CNTLN: variants seen among roughly 807,000 people sequenced by gnomAD.
The protein encoded by CNTLN is centlein, centrosomal protein.
Under a neutral mutation model 180.0 loss-of-function variants are expected in CNTLN, and 212 were observed. The ratio of observed to expected loss-of-function variants is 1.18; its 90% CI spans 1.05 to 1.32. CNTLN has a LOEUF of 1.32. CNTLN is among the 40% of genes most tolerant of loss of function. CNTLN has a pLI of 0.00. For synonymous variants in CNTLN, 722 were observed against 563.1 expected (o/e 1.28, Z -3.99); for missense variants, 2,095 against 1,610.9 (o/e 1.30, Z -5.14).
At chr9:17,242,500 AG>A (rs1180057038) in intron 5 of CNTLN, among the ~76,000 whole-genome samples, 1 of 151,996 alleles carries the variant, frequency 6.6e-6, no homozygotes, top group African/African-American at 2.4e-5. Flanking sequence ...TAGTAGAGAC[AG>A]GGTTTTGCCA....
chr9:17,234,712 T>C (rs900008953), intron 3 of CNTLN, among the ~76,000 whole-genome samples: 1 of 152,002 alleles, frequency 6.6e-6, no homozygotes, highest in African/African-American at 2.4e-5. Context: ...GATGTGTCTC[T>C]TTCTTGGTTG....
intron 25 of CNTLN, among the ~76,000 whole-genome samples, chr9:17,489,444 T>C (rs1833039202): frequency 6.6e-6 from 1 of 152,126 alleles, no homozygotes; most frequent in Non-Finnish European, 1.5e-5. Context: ...GGAAAACCTC[T>C]CTTTTATGTC....
Position 17,144,858 on chromosome 9 carries a change from G to A in CNTLN, c.449+1482G>A, listed in dbSNP as rs536912716. Among the ~76,000 whole-genome samples, 611 of 147,734 alleles carry A rather than the reference G, an allele frequency of 4.1e-3. 4 individuals carry two copies. The highest frequency in any genetic ancestry group is 0.014 in the African/African-American group (560 of 40,204). ...TTTATTTTATTTTTTTTTTTGAGAC[G>A]GAGTCTCGCTCTGTCGCCCAGGCCA... On this transcript the variant is annotated intron_variant, in intron 2 of 25. Transcript: ENST00000380647.
intron 18 of CNTLN, among the ~76,000 whole-genome samples, chr9:17,449,903 A>G (rs1396033628): frequency 6.6e-6 from 1 of 152,250 alleles, no homozygotes; most frequent in Non-Finnish European, 1.5e-5. Context: ...GTCTTTCAGA[A>G]TTAAAAGTAT....
intron 18 of CNTLN, among the ~76,000 whole-genome samples, chr9:17,454,687 C>T (rs753393): frequency 0.41 from 61,649 of 152,114 alleles, 15,540 homozygotes; most frequent in Non-Finnish European, 0.55. Context: ...CAATCACAGA[C>T]GTTTTAAGAT....
intron 15 of CNTLN, among the ~76,000 whole-genome samples, chr9:17,396,408 C>T: frequency 6.6e-6 from 1 of 152,052 alleles, no homozygotes; most frequent in African/African-American, 2.4e-5. Flanking sequence ...TACATCTAGA[C>T]AGTAGGGAAG....
At chr9:17,392,735 T>G (rs1324364569) in intron 14 of CNTLN, among the ~76,000 whole-genome samples, 1 of 151,846 alleles carries the variant, frequency 6.6e-6, no homozygotes, top group African/African-American at 2.4e-5. Flanking sequence ...GAAATACCCA[T>G]GCCCCAGGAT....
chr9:17,384,301 A>AC (rs1825514368), intron 13 of CNTLN, among the ~76,000 whole-genome samples: 1 of 151,532 alleles, frequency 6.6e-6, no homozygotes, highest in Non-Finnish European at 1.5e-5. Flanking sequence ...AAAAAAAAAA[A>AC]ACTACTTATC....
At chr9:17,224,376 G>T (rs1407216884) in intron 2 of CNTLN, among the ~76,000 whole-genome samples, 1 of 151,910 alleles carries the variant, frequency 6.6e-6, no homozygotes, top group African/African-American at 2.4e-5. Context: ...ATTTATTCTG[G>T]TAGGTATTCC....
At chr9:17,238,712 CTCTTA>C (rs1200638916) in intron 5 of CNTLN, among the ~76,000 whole-genome samples, 1 of 152,116 alleles carries the variant, frequency 6.6e-6, no homozygotes, top group African/African-American at 2.4e-5. Context: ...TTATATTTTT[CTCTTA>C]GTAATTTATC....
At chr9:17,149,215 C>G (rs1195451308) in intron 2 of CNTLN, among the ~76,000 whole-genome samples, 1 of 152,168 alleles carries the variant, frequency 6.6e-6, no homozygotes, top group African/African-American at 2.4e-5. Context: ...TCCAGTCTAT[C>G]ATTGATGGAC....
chr9:17,219,526 A>G (rs1386188620), intron 2 of CNTLN, among the ~76,000 whole-genome samples: 1 of 152,038 alleles, frequency 6.6e-6, no homozygotes, highest in Admixed American at 6.6e-5. Context: ...ATTATAACAT[A>G]TTAGTCAATT....
At chr9:17,185,771 T>TGTGTGTGTGTGTGTGTG (rs1317170040) in intron 2 of CNTLN, among the ~76,000 whole-genome samples, 1 of 143,636 alleles carries the variant, frequency 7.0e-6, no homozygotes, top group Non-Finnish European at 1.5e-5. Flanking sequence ...TGTTTCCCAT[T>TGTGTGTGTGTGTGTGTG]TGTGTGTGTG....
At chr9:17,481,341 A>G (rs553272034) in intron 23 of CNTLN, among the ~76,000 whole-genome samples, 20 of 152,330 alleles carry the variant, frequency 1.3e-4, no homozygotes, top group African/African-American at 3.4e-4. Context: ...CACAGCTGAC[A>G]GCCCCATCCA....
At chr9:17,290,153 G>C (rs1829273662) in intron 6 of CNTLN, among the ~76,000 whole-genome samples, 1 of 151,964 alleles carries the variant, frequency 6.6e-6, no homozygotes. Flanking sequence ...TCTACTTTTG[G>C]TCTTTGATGA....
intron 25 of CNTLN, among the ~76,000 whole-genome samples, chr9:17,488,725 A>G (rs756013383): frequency 5.9e-5 from 9 of 152,136 alleles, no homozygotes; most frequent in Admixed American, 1.3e-4. Flanking sequence ...AGACTGCTTA[A>G]TACTGCAGCT....
intron 16 of CNTLN, 87 bp from the exon 17 acceptor site, chr9:17,415,701 T>C: frequency 1.1e-6 from 1 of 897,118 alleles, no homozygotes; most frequent in Middle Eastern, 3.5e-4. Context: ...CAATTGTATT[T>C]TTTAAGTAAA....
At chr9:17,454,801 A>G (rs2593382) in intron 18 of CNTLN, among the ~76,000 whole-genome samples, 70,036 of 152,114 alleles carry the variant, frequency 0.46, 18,634 homozygotes, top group Non-Finnish European at 0.59. Flanking sequence ...GGTAAGCAGT[A>G]GACCCAGAGA....
intron 13 of CNTLN, among the ~76,000 whole-genome samples, chr9:17,372,205 A>C (rs1824379471): frequency 6.6e-6 from 1 of 152,170 alleles, no homozygotes; most frequent in African/African-American, 2.4e-5. Context: ...ACCAAAATTT[A>C]CAAACGTTTA....
Sources: allele counts gnomAD v4.1 joint callset (sites outside exome capture counted in the v4.1 genomes callset), GRCh38; gene constraint gnomAD v4.1.1; transcripts MANE v1.5; gene names NCBI Gene and HGNC (gene_info 2026-07-23, HGNC 2026-07-21).